Variants in IZUMO1 observed in about 807,000 individuals in gnomAD.
IZUMO1 encodes the protein izumo sperm-egg fusion protein 1.
In IZUMO1, 44 loss-of-function variants were observed where a neutral mutation model predicts 40.7. The observed-to-expected ratio is 1.08, with a 90% CI of 0.85 to 1.39. The LOEUF (loss-of-function observed/expected upper bound fraction) is 1.39. Ranked by LOEUF, IZUMO1 falls within the 40% of genes most tolerant of loss-of-function variation. The pLI is 0.00. For synonymous variants in IZUMO1, 149 were observed against 170.9 expected, an observed-to-expected ratio of 0.87 and a Z score of 1.00; for missense variants, 368 against 436.9, an observed-to-expected ratio of 0.84 and a Z score of 1.41.
intron 7 of IZUMO1, 83 bp from the exon 8 acceptor site, chr19:48,742,025 C>T: frequency 3.9e-6 from 6 of 1,538,856 alleles, no homozygotes; most frequent in Non-Finnish European, 5.3e-6. Flanking sequence ...CACAGGGCCT[C>T]AGTGTGGGAG....
At position 48,741,491 on chromosome 19, in the gene IZUMO1, G is replaced by C. The variant is rs369460428; in HGVS notation, c.755-13C>G. 6.3e-7 allele frequency: 1 copy of C among 1,595,454 alleles called. No homozygotes were observed. Among genetic ancestry groups the C allele is most frequent in the African/African-American group, 1.3e-5 (1 of 74,622 alleles). ...ATTTTGGGCAACACTGTTAGAGAAA[G>C]CGTAAAGAGCAGTCCTGGCAGGGCG... On this transcript the variant is annotated splice_polypyrimidine_tract_variant and intron_variant, in intron 8 of 9. Transcript: ENST00000332955. This position sits in a 1 kb window ranked among gnomAD's most constrained non-coding sequence, Gnocchi z 4.4.
intron 4 of IZUMO1, 85 bp downstream of exon 4, chr19:48,744,368 G>T (rs1408025836): frequency 7.9e-7 from 1 of 1,264,236 alleles, no homozygotes; most frequent in East Asian, 2.3e-5. Context: ...GAGGAACTGG[G>T]CTTGGAGAAG....
intron 6 of IZUMO1, 40 bp downstream of exon 6, chr19:48,743,405 C>T: frequency 6.2e-7 from 1 of 1,608,244 alleles, no homozygotes; most frequent in Non-Finnish European, 8.5e-7. Context: ...CGCCCCACCC[C>T]ACCTGCACCA....
In IZUMO1 at chr19:48,745,673, C is replaced by T. The variant is rs147003407; in HGVS notation, c.187G>A (p.Asp63Asn). ...TCATTAAGCGACAGTTCCTGGAAAT[C>T]CTTCACGGCATTCTCTACCCTTTCC... is the stretch of plus-strand genomic sequence containing the variant. ...MMERVENAVK[D>N]FQELSLNEDA... Residue 63 changes from aspartate (D) to asparagine (N), a missense_variant, in exon 2 of 10, where the codon GAT becomes AAT. By Grantham distance (23) the Asp-to-Asn change is conservative (BLOSUM62 1). Transcript: ENST00000332955. 2,147 of 1,614,232 alleles carry T rather than the reference C, an allele frequency of 1.3e-3. 7 individuals carry two copies. Among genetic ancestry groups the T allele is most frequent in the Non-Finnish European group, 1.6e-3 (1,921 of 1,180,058 alleles).
At position 48,741,993 on chromosome 19, in the gene IZUMO1, G is replaced by T; in HGVS notation, c.601-51C>A. ...GAGGCCTGAGGAATTCAGGGGTTGGGGGAGTACAGGGGTGAGAAGATCACA... is the reference window on the plus strand; with the variant it reads ...GAGGCCTGAGGAATTCAGGGGTTGGTGGAGTACAGGGGTGAGAAGATCACA... On this transcript the variant is annotated intron_variant, in intron 7 of 9. Transcript: ENST00000332955. The surrounding 1 kb of genome is among the most constrained non-coding windows in gnomAD (Gnocchi z 4.4). 1 of 1,546,474 alleles carries T rather than the reference G, an allele frequency of 6.5e-7. No homozygotes were observed. The highest frequency in any genetic ancestry group is 8.7e-7 in the Non-Finnish European group (1 of 1,143,606).
chr19:48,742,725 CTTTT>C (rs34894807), intron 6 of IZUMO1, among the ~76,000 whole-genome samples: 2 of 93,510 alleles, frequency 2.1e-5, no homozygotes, highest in African/African-American at 4.4e-5. Context: ...TTCTCTCTCT[CTTTT>C]TTTTTTTTTT....
Position 48,742,302 on chromosome 19 carries a change from A to G in IZUMO1, c.507T>C (p.Asn169=), listed in dbSNP as rs755456942. The G allele has an allele frequency of 1.2e-6, 2 of 1,612,012 alleles. No individual in the cohort carries two copies. Among genetic ancestry groups the G allele is most frequent in the African/African-American group, 1.3e-5 (1 of 74,912 alleles). The stretch of plus-strand genomic sequence containing the variant: ...TGTCTTCCATTTGAGGAACTTCCAC[A>G]TTCCGCTCTGGGGGTGGGGGATGAC... ...CRKSYDCGER[N]VEVPQMEDMI... The change falls in exon 7 of 10, where the codon AAT becomes AAC. Residue 169 remains asparagine (N), a synonymous_variant. Transcript: ENST00000332955.
chr19:48,743,307 G>T, intron 6 of IZUMO1, 138 bp downstream of exon 6: 1 of 747,260 alleles, frequency 1.3e-6, no homozygotes, highest in South Asian at 1.7e-5. Context: ...CTATAGGTGT[G>T]AACCACTGCA....
In IZUMO1 at chr19:48,742,208, C is replaced by G; in HGVS notation, c.600+1G>C. On this transcript the variant is annotated splice_donor_variant, in intron 7 of 9. Coordinates refer to ENST00000332955, the MANE Select transcript of IZUMO1 (RefSeq NM_182575.3). LOFTEE classifies it high-confidence loss of function. Reference sequence around the variant, plus strand: ...AGGGTTACAGAAGTTGAGGCCCTCACCCTGTAAAAGCTGTAATCAGTGAGG... The same window carrying G: ...AGGGTTACAGAAGTTGAGGCCCTCAGCCTGTAAAAGCTGTAATCAGTGAGG... 1 of 1,610,164 alleles carries G rather than the reference C, an allele frequency of 6.2e-7. No homozygotes were observed. Among genetic ancestry groups the G allele is most frequent in the Non-Finnish European group, 8.5e-7 (1 of 1,176,396 alleles).
rs1364747715 is a variant in IZUMO1 at position 48,743,486 on chromosome 19, T to C, written c.458A>G (p.Lys153Arg). The change falls in exon 6 of 10, where the codon AAA becomes AGA. Residue 153 changes from lysine to arginine, a missense_variant. By Grantham distance (26) the Lys-to-Arg change is conservative. Transcript: ENST00000332955. ...LQTLIWCKNC[K>R]KEVHACRKSY... The stretch of plus-strand genomic sequence containing the variant: ...CTTTCGACAAGCGTGAACCTCCTTT[T>C]TGCAGTTCTTGCACCAGATCAGAGT... 6.2e-7 allele frequency: 1 copy of C among 1,614,064 alleles called. No individual in the cohort carries two copies.
rs893519759 is a variant in IZUMO1 at position 48,744,378 on chromosome 19, G to A, written c.397+75C>T. The A allele has an allele frequency of 3.1e-6, 4 of 1,306,890 alleles. No homozygotes were observed. The South Asian group carries it at 3.6e-5, about 12-fold the overall frequency. 81.0% of individuals were successfully genotyped at this position (1,306,890 alleles called of 1,614,324 possible). ...AAGCTGAGGAACTGGGCTTGGAGAA[G>A]TAAGGGGCTGGAGACAAGGACTCTT... is the stretch of plus-strand genomic sequence containing the variant. On this transcript the variant is annotated intron_variant, in intron 4 of 9. Transcript: ENST00000332955.
rs375543575 is a variant in IZUMO1 at position 48,741,955 on chromosome 19, T to G, written c.601-13A>C. ...TGTTCCCCCAAACCTAGACCCAAGC[T>G]CAAGGGGTCACTGAGGCCTGAGGAA... On this transcript the variant is annotated splice_polypyrimidine_tract_variant and intron_variant, in intron 7 of 9. Coordinates refer to ENST00000332955, the MANE Select transcript of IZUMO1 (RefSeq NM_182575.3). This position sits in a 1 kb window ranked among gnomAD's most constrained non-coding sequence, Gnocchi z 4.4. 1.3e-6 allele frequency: 2 copies of G among 1,580,610 alleles called. No individual in the cohort carries two copies. Among genetic ancestry groups the G allele is most frequent in the African/African-American group, 2.7e-5 (2 of 73,796 alleles).
rs542242649 is a variant in IZUMO1, at chr19:48,742,314, G to A, written c.500-5C>T. 6.9e-6 allele frequency: 11 copies of A among 1,600,516 alleles called. No homozygotes were observed. In the East Asian group the frequency reaches 1.6e-4, roughly 23 times the overall value. On this transcript the variant is annotated splice_polypyrimidine_tract_variant and splice_region_variant and intron_variant, in intron 6 of 9. Coordinates refer to ENST00000332955, the MANE Select transcript of IZUMO1 (RefSeq NM_182575.3). Reference sequence around the variant, plus strand: ...GAGGAACTTCCACATTCCGCTCTGGGGGTGGGGGATGACCATGGGACACTC... The same window carrying A: ...GAGGAACTTCCACATTCCGCTCTGGAGGTGGGGGATGACCATGGGACACTC...
In IZUMO1 at chr19:48,742,320, G is replaced by C; in HGVS notation, c.500-11C>G. 1 of 1,580,930 alleles carries C rather than the reference G, an allele frequency of 6.3e-7. No individual in the cohort carries two copies. The highest frequency in any genetic ancestry group is 8.7e-7 in the Non-Finnish European group (1 of 1,149,860). On this transcript the variant is annotated splice_polypyrimidine_tract_variant and intron_variant, in intron 6 of 9. Coordinates refer to ENST00000332955, the MANE Select transcript of IZUMO1 (RefSeq NM_182575.3). ...CTTCCACATTCCGCTCTGGGGGTGGGGGATGACCATGGGACACTCATGATT... is the reference window on the plus strand; with the variant it reads ...CTTCCACATTCCGCTCTGGGGGTGGCGGATGACCATGGGACACTCATGATT...
chr19:48,744,424 G>C (rs747889238), intron 4 of IZUMO1, 29 bp downstream of exon 4: 10 of 1,539,140 alleles, frequency 6.5e-6, no homozygotes, highest in Non-Finnish European at 9.0e-6. Context: ...AAGAGGAGCT[G>C]GGGGACACCG....
Position 48,744,459 on chromosome 19 carries a change from T to G in IZUMO1, c.391A>C (p.Lys131Gln). The G allele has an allele frequency of 6.2e-7, 1 of 1,612,650 alleles. No homozygotes were observed. The highest frequency in any genetic ancestry group is 8.5e-7 in the Non-Finnish European group (1 of 1,178,634). Residue 131 changes from lysine (K) to glutamine (Q), a missense_variant, in exon 4 of 10, where the codon AAA (lysine) becomes CAA (glutamine). Transcript: ENST00000332955. ...TFATYVARFQKEAYCPNKCGV... is the reference protein window; with the variant it reads ...TFATYVARFQQEAYCPNKCGV... ...GACTCCCATCTTCTCTCACCCTCTT[T>G]TTGGAATCGAGCAACATAGGTGGCA...
intron 6 of IZUMO1, 70 bp from the exon 7 acceptor site, chr19:48,742,379 GCT>G (rs2033730578): frequency 9.3e-7 from 1 of 1,071,044 alleles, no homozygotes; most frequent in East Asian, 2.4e-5. Context: ...ATGGAGACTC[GCT>G]CTGTCGCCCA....
chr19:48,745,127 C>G, intron 3 of IZUMO1, 87 bp downstream of exon 3: 1 of 1,132,390 alleles, frequency 8.8e-7, no homozygotes, highest in Non-Finnish European at 1.3e-6. Flanking sequence ...TCTGGGTCCA[C>G]AGCCTAGTAT....
At chr19:48,742,040 G>C in intron 7 of IZUMO1, 98 bp from the exon 8 acceptor site, 2 of 1,532,474 alleles carry the variant, frequency 1.3e-6, no homozygotes, top group Non-Finnish European at 1.8e-6. Flanking sequence ...TGGGAGGTGA[G>C]TGTCCAGGGT....
Sources: gnomAD v4.1 joint callset for allele counts (sites outside exome capture counted in the v4.1 genomes callset) on GRCh38, gnomAD v4.1.1 for gene constraint, Gnocchi (gnomAD v3.1) non-coding constraint, MANE v1.5 for transcripts, NCBI Gene and HGNC (gene_info 2026-07-23, HGNC 2026-07-21) for gene names.